The following CCDC178 variants were observed in gnomAD, a reference collection of about 807,000 sequenced individuals.
CCDC178 encodes the protein coiled-coil domain-containing protein 178.
Under a neutral mutation model 117.4 loss-of-function variants are expected in CCDC178, and 126 were observed. That is an observed-to-expected ratio of 1.07 (90% CI 0.93 to 1.24). The LOEUF is 1.24. CCDC178 is among the 50% of genes most tolerant of loss of function. The pLI, the probability that CCDC178 is intolerant of heterozygous loss-of-function variation, is 0.00. For missense variants in CCDC178, 1,030 were observed against 986.9 expected (o/e 1.04, Z -0.59); for synonymous variants, 283 against 313.4 (o/e 0.90, Z 1.02).
At chr18:32,945,732 G>T (rs1411414120) in intron 22 of CCDC178, among the ~76,000 whole-genome samples, 1 of 151,984 alleles carries the variant, frequency 6.6e-6, no homozygotes, top group Non-Finnish European at 1.5e-5. Flanking sequence ...GGGTTTTTTT[G>T]GAGCAGATCT....
At chr18:32,950,943 C>G (rs1265774694) in intron 22 of CCDC178, among the ~76,000 whole-genome samples, 1 of 152,112 alleles carries the variant, frequency 6.6e-6, no homozygotes, top group Non-Finnish European at 1.5e-5. Flanking sequence ...CTGATGTCTT[C>G]TAACATATTT....
At chr18:33,166,964 T>C (rs1412737350) in intron 20 of CCDC178, among the ~76,000 whole-genome samples, 3 of 152,190 alleles carry the variant, frequency 2.0e-5, no homozygotes, top group Non-Finnish European at 2.9e-5. Context: ...TGATGTCTGT[T>C]GTTCCTTTCT....
chr18:33,364,510 G>A (rs538727025), intron 6 of CCDC178, among the ~76,000 whole-genome samples: 2 of 152,076 alleles, frequency 1.3e-5, no homozygotes, highest in South Asian at 2.1e-4. Context: ...AGATACATCA[G>A]TATCTTCAAT....
intron 20 of CCDC178, among the ~76,000 whole-genome samples, chr18:33,127,422 A>T (rs541245125): frequency 6.6e-6 from 1 of 152,108 alleles, no homozygotes; most frequent in Non-Finnish European, 1.5e-5. Flanking sequence ...TCATATTTTA[A>T]CTGATCAGTT....
intron 3 of CCDC178, among the ~76,000 whole-genome samples, chr18:33,410,748 T>C (rs1169847817): frequency 6.6e-6 from 1 of 152,006 alleles, no homozygotes; most frequent in African/African-American, 2.4e-5. Flanking sequence ...AGAGGTGGAG[T>C]CTAATCTCCT....
At position 33,039,461 on chromosome 18, in the gene CCDC178, T is replaced by A. The variant is rs114451657; in HGVS notation, c.2388+53300A>T. 7.7e-3 allele frequency among the ~76,000 whole-genome samples: 1,177 copies of A among 152,104 alleles called. 17 individuals carry two copies. The highest frequency in any genetic ancestry group is 0.027 in the African/African-American group (1,129 of 41,492). ...ATTTCTCAAGACCAGCAAGGCCAGG[T>A]CTAGAGCTCACATTGGAGTGAAGCA... is the stretch of plus-strand genomic sequence containing the variant. On this transcript the variant is annotated intron_variant, in intron 21 of 22. Transcript: ENST00000383096.
intron 14 of CCDC178, among the ~76,000 whole-genome samples, chr18:33,261,906 C>A (rs545402056): frequency 2.9e-4 from 44 of 152,182 alleles, no homozygotes; most frequent in East Asian, 3.9e-4. Flanking sequence ...GTACTCTCTT[C>A]ATAGAAACTT....
chr18:32,988,751 A>T (rs1406721837), intron 21 of CCDC178, among the ~76,000 whole-genome samples: 1 of 151,992 alleles, frequency 6.6e-6, no homozygotes, highest in Non-Finnish European at 1.5e-5. Flanking sequence ...TAACACAATG[A>T]AATAGAAATA....
rs888832683 is a variant in CCDC178, at chr18:33,321,995, A to C, written c.1022+1496T>G. 3.3e-5 allele frequency among the ~76,000 whole-genome samples: 5 copies of C among 151,968 alleles called. No individual in the cohort carries two copies. The South Asian group carries it at 1.0e-3, about 31-fold the overall frequency. ...TACAACTGTATTCATGCCTTAATTGAGTTTAAGCAAAAATGTTCCAAGAGT... is the reference window on the plus strand; with the variant it reads ...TACAACTGTATTCATGCCTTAATTGCGTTTAAGCAAAAATGTTCCAAGAGT... On this transcript the variant is annotated intron_variant, in intron 11 of 22. Transcript: ENST00000383096.
chr18:33,407,408 A>G (rs1012035001), intron 3 of CCDC178, among the ~76,000 whole-genome samples: 1 of 152,174 alleles, frequency 6.6e-6, no homozygotes, highest in African/African-American at 2.4e-5. Context: ...AAGAAAGTAG[A>G]AGGAAGAGAA....
intron 15 of CCDC178, among the ~76,000 whole-genome samples, chr18:33,228,656 C>T (rs1568072494): frequency 1.3e-5 from 2 of 152,210 alleles, no homozygotes; most frequent in Admixed American, 6.5e-5. Context: ...TTACCAAGCT[C>T]CATTTTCTAC....
intron 21 of CCDC178, among the ~76,000 whole-genome samples, chr18:33,033,225 T>G (rs1235470925): frequency 6.6e-6 from 1 of 152,150 alleles, no homozygotes; most frequent in Non-Finnish European, 1.5e-5. Flanking sequence ...TGAAAAAAAT[T>G]TAATTTAGTG....
chr18:33,227,532 ATGTGTGTGTG>A (rs750171342), intron 15 of CCDC178, among the ~76,000 whole-genome samples: 36 of 121,678 alleles, frequency 3.0e-4, no homozygotes, highest in African/African-American at 8.6e-4. Flanking sequence ...AGATATATGT[ATGTGTGTGTG>A]TGTGTGTGTG....
chr18:32,987,404 CAT>C (rs749851542), intron 21 of CCDC178, among the ~76,000 whole-genome samples: 1 of 151,300 alleles, frequency 6.6e-6, no homozygotes. Flanking sequence ...TACTCATATC[CAT>C]ATATATATAT....
At chr18:33,232,936 A>C (rs2059383970) in intron 15 of CCDC178, among the ~76,000 whole-genome samples, 2 of 152,128 alleles carry the variant, frequency 1.3e-5, no homozygotes, top group South Asian at 4.1e-4. Context: ...CATAGATTTA[A>C]ACACTATTCT....
At chr18:32,998,489 C>A (rs1302762953) in intron 21 of CCDC178, among the ~76,000 whole-genome samples, 1 of 152,126 alleles carries the variant, frequency 6.6e-6, no homozygotes, top group Non-Finnish European at 1.5e-5. Context: ...TATAGGGACA[C>A]CAGCTGGAGC....
Position 33,210,161 on chromosome 18 carries a change from A to T in CCDC178, c.2238+1735T>A, listed in dbSNP as rs1279956683. 4.6e-5 allele frequency among the ~76,000 whole-genome samples: 7 copies of T among 152,196 alleles called. No homozygotes were observed. In the East Asian group the frequency reaches 1.2e-3, roughly 25 times the overall value. The stretch of plus-strand genomic sequence containing the variant: ...TTATTGCGTACTTCTGGCCAGACAT[A>T]GTACTGAGATTTTAGGATACAGAAA... On this transcript the variant is annotated intron_variant, in intron 20 of 22. Coordinates refer to ENST00000383096, the MANE Select transcript of CCDC178 (RefSeq NM_001105528.4).
intron 14 of CCDC178, among the ~76,000 whole-genome samples, chr18:33,263,817 A>G (rs530047363): frequency 3.9e-5 from 6 of 152,234 alleles, no homozygotes; most frequent in African/African-American, 1.4e-4. Context: ...AAACTTTTTC[A>G]TAAACATAAG....
At chr18:33,248,378 T>G (rs534881551) in intron 14 of CCDC178, among the ~76,000 whole-genome samples, 9 of 151,792 alleles carry the variant, frequency 5.9e-5, no homozygotes, top group African/African-American at 2.2e-4. Context: ...ACTCATTAAC[T>G]CATCATTTAC....
Sources: gnomAD v4.1 joint callset for allele counts (sites outside exome capture counted in the v4.1 genomes callset) on GRCh38, gnomAD v4.1.1 for gene constraint, MANE v1.5 for transcripts, NCBI Gene and HGNC (gene_info 2026-07-23, HGNC 2026-07-21) for gene names.